The following FGGY variants were observed in gnomAD, a reference collection of about 807,000 sequenced individuals.
FGGY encodes the protein FGGY carbohydrate kinase domain-containing protein.
Under a neutral mutation model 71.3 loss-of-function variants are expected in FGGY, and 72 were observed. The observed-to-expected ratio is 1.01, with a 90% CI of 0.84 to 1.23. The LOEUF is 1.23. Among genes scored for constraint, FGGY ranks in the 50% most tolerant of loss-of-function variants. The pLI is 0.00. For synonymous variants in FGGY, 251 were observed against 250.3 expected, an observed-to-expected ratio of 1.00 and a Z score of -0.02; for missense variants, 668 against 682.3, an observed-to-expected ratio of 0.98 and a Z score of 0.23.
chr1:59,326,471 A>G (rs1256542519), intron 2 of FGGY, among the ~76,000 whole-genome samples: 1 of 152,172 alleles, frequency 6.6e-6, no homozygotes, highest in Non-Finnish European at 1.5e-5. Flanking sequence ...TTTGATTGCT[A>G]TTGCAGGGTG....
intron 4 of FGGY, among the ~76,000 whole-genome samples, chr1:59,348,901 A>ACAG (rs1260828803): frequency 2.0e-5 from 3 of 152,186 alleles, no homozygotes; most frequent in Admixed American, 6.6e-5. Flanking sequence ...CAACAATTGT[A>ACAG]TGCTTTGGTC....
intron 5 of FGGY, among the ~76,000 whole-genome samples, chr1:59,436,036 T>C (rs1272941654): frequency 6.6e-6 from 1 of 152,152 alleles, no homozygotes. Flanking sequence ...GAACTGATCA[T>C]GACAGCATCT....
At chr1:59,551,100 G>A (rs1325454753) in intron 7 of FGGY, among the ~76,000 whole-genome samples, 1 of 152,170 alleles carries the variant, frequency 6.6e-6, no homozygotes, top group Non-Finnish European at 1.5e-5. Context: ...TGATGATGGT[G>A]ATGATGGTGG....
At chr1:59,753,555 C>A (rs2098265480) in intron 14 of FGGY, among the ~76,000 whole-genome samples, 1 of 120,932 alleles carries the variant, frequency 8.3e-6, no homozygotes, top group African/African-American at 3.1e-5. Context: ...TTAATATATG[C>A]CACTGTAGAA....
chr1:59,504,583 C>T (rs1374115215), intron 6 of FGGY, among the ~76,000 whole-genome samples: 2 of 152,166 alleles, frequency 1.3e-5, no homozygotes, highest in African/African-American at 2.4e-5. Flanking sequence ...ACAGAAGTCA[C>T]CTTCTATGTG....
intron 11 of FGGY, 85 bp from the exon 12 acceptor site, chr1:59,660,134 A>G: frequency 8.1e-7 from 1 of 1,232,444 alleles, no homozygotes; most frequent in Non-Finnish European, 1.2e-6. Context: ...AAGAAAACAC[A>G]TCTGAACGTA....
chr1:59,328,793 T>TG (rs1335121750), intron 2 of FGGY, among the ~76,000 whole-genome samples: 7 of 152,094 alleles, frequency 4.6e-5, no homozygotes, highest in African/African-American at 1.7e-4. Flanking sequence ...CAAAGTTGTG[T>TG]CTCGGGGGTA....
At chr1:59,395,695 C>T (rs986826828) in intron 5 of FGGY, among the ~76,000 whole-genome samples, 1 of 152,150 alleles carries the variant, frequency 6.6e-6, no homozygotes, top group Non-Finnish European at 1.5e-5. Flanking sequence ...CTTCAGTCCT[C>T]CCAATATTCT....
chr1:59,709,297 A>T (rs2097777059), intron 14 of FGGY, among the ~76,000 whole-genome samples: 1 of 152,162 alleles, frequency 6.6e-6, no homozygotes. Context: ...GTGCAGAGGA[A>T]ACTGCCACTT....
At chr1:59,389,670 A>G (rs568212521) in intron 5 of FGGY, among the ~76,000 whole-genome samples, 56 of 152,330 alleles carry the variant, frequency 3.7e-4, no homozygotes, top group African/African-American at 1.3e-3. Flanking sequence ...AGATGTTTCC[A>G]CTATGGCTGC....
At position 59,626,060 on chromosome 1, in the gene FGGY, T is replaced by A. The variant is rs777329849; in HGVS notation, c.1073+11T>A. ...AAAGGCCACAGCCAGGTAACTGCTGTCTCTGTTCCCTCTAAAATTTTCCTT... is the reference window on the plus strand; with the variant it reads ...AAAGGCCACAGCCAGGTAACTGCTGACTCTGTTCCCTCTAAAATTTTCCTT... On this transcript the variant is annotated intron_variant, in intron 10 of 15. Coordinates refer to ENST00000303721, the MANE Select transcript of FGGY (RefSeq NM_018291.5). The A allele has an allele frequency of 6.2e-7, 1 of 1,612,126 alleles. No individual in the cohort carries two copies. Among genetic ancestry groups the A allele is most frequent in the South Asian group, 1.1e-5 (1 of 90,640 alleles).
At chr1:59,312,083 A>G (rs1371236585) in intron 1 of FGGY, among the ~76,000 whole-genome samples, 1 of 152,170 alleles carries the variant, frequency 6.6e-6, no homozygotes, top group Non-Finnish European at 1.5e-5. Flanking sequence ...TCCTTTGCCC[A>G]CTTTTTGATG....
intron 1 of FGGY, among the ~76,000 whole-genome samples, chr1:59,311,421 T>A (rs576594458): frequency 6.6e-5 from 10 of 150,484 alleles, no homozygotes; most frequent in African/African-American, 2.4e-4. Flanking sequence ...GGCCCTAGTG[T>A]GTGTTGTTCC....
At chr1:59,626,828 C>T (rs1414812718) in intron 10 of FGGY, 3 of 150,982 alleles carry the variant, frequency 2.0e-5, no homozygotes, top group African/African-American at 4.9e-5. Context: ...GCACTCCAGC[C>T]TGGGCAATAA....
chr1:59,609,292 G>A (rs984204317), intron 9 of FGGY, among the ~76,000 whole-genome samples: 1 of 152,204 alleles, frequency 6.6e-6, no homozygotes, highest in East Asian at 1.9e-4. Flanking sequence ...ACATGCTAAG[G>A]AATTGAACTT....
Position 59,468,272 on chromosome 1 carries a change from C to T in FGGY, c.670+11196C>T, listed in dbSNP as rs193273559. Among the ~76,000 whole-genome samples the T allele has an allele frequency of 8.7e-4, 133 of 152,334 alleles. 1 individual carries two copies. The highest frequency in any genetic ancestry group is 7.8e-3 in the Admixed American group (120 of 15,302). ...TGAATTAAATAATACTACTAGCTAACAGGCAATGAATGTATTTCCTTAATT... is the reference window on the plus strand; with the variant it reads ...TGAATTAAATAATACTACTAGCTAATAGGCAATGAATGTATTTCCTTAATT... On this transcript the variant is annotated intron_variant, in intron 6 of 15. Coordinates refer to ENST00000303721, the MANE Select transcript of FGGY (RefSeq NM_018291.5).
chr1:59,378,922 CT>C, intron 5 of FGGY, 85 bp downstream of exon 5: 1 of 1,123,524 alleles, frequency 8.9e-7, no homozygotes, highest in Non-Finnish European at 1.3e-6. Flanking sequence ...CTCTCTTTGA[CT>C]GGATATACTT....
intron 6 of FGGY, among the ~76,000 whole-genome samples, chr1:59,511,716 T>C (rs1016938360): frequency 1.3e-5 from 2 of 152,220 alleles, no homozygotes; most frequent in African/African-American, 4.8e-5. Flanking sequence ...AATTGTATTA[T>C]ATGATTGTGC....
At chr1:59,365,620 G>A (rs373561103) in intron 4 of FGGY, among the ~76,000 whole-genome samples, 1 of 152,214 alleles carries the variant, frequency 6.6e-6, no homozygotes, top group Non-Finnish European at 1.5e-5. Context: ...GCAAAATTTG[G>A]TCTGACTTTC....
Sources: gnomAD v4.1 joint callset for allele counts (sites outside exome capture counted in the v4.1 genomes callset) on GRCh38, gnomAD v4.1.1 for gene constraint, MANE v1.5 for transcripts, NCBI Gene and HGNC (gene_info 2026-07-23, HGNC 2026-07-21) for gene names.